The following SLC10A2 variants were observed in gnomAD, a reference collection of about 807,000 sequenced individuals.
The protein encoded by SLC10A2 is ileal sodium/bile acid cotransporter.
In SLC10A2, 34 loss-of-function variants were observed where a neutral mutation model predicts 27.1. The observed-to-expected ratio is 1.26, with a 90% CI of 0.96 to 1.67. The LOEUF is 1.67. Among genes scored for constraint, SLC10A2 ranks in the 40% most tolerant of loss-of-function variants. The probability of loss-of-function intolerance (pLI) is 0.00; values close to 1 mark genes in which losing one functional copy is unlikely to be tolerated. For synonymous variants in SLC10A2, 205 were observed against 174.0 expected (o/e 1.18, Z -1.40); for missense variants, 530 against 444.4 (o/e 1.19, Z -1.73).
At chr13:103,052,498 T>C in intron 3 of SLC10A2, 122 bp downstream of exon 3, 3 of 762,440 alleles carry the variant, frequency 3.9e-6, no homozygotes, top group Non-Finnish European at 2.4e-6. Context: ...GCATGGCTAA[T>C]GACTTCAGGC....
intron 4 of SLC10A2, 96 bp downstream of exon 4, chr13:103,051,161 A>T (rs1875764844): frequency 1.6e-6 from 2 of 1,214,448 alleles, no homozygotes; most frequent in African/African-American, 3.0e-5. Flanking sequence ...TGTTTAAGCC[A>T]CTCAGTTTGT....
chr13:103,062,137 T>C (rs1876141236), intron 1 of SLC10A2, among the ~76,000 whole-genome samples: 1 of 152,234 alleles, frequency 6.6e-6, no homozygotes, highest in Admixed American at 6.5e-5. Context: ...GTGAAATCAG[T>C]GTTAAGCAAT....
At chr13:103,065,814 G>A in intron 1 of SLC10A2, 59 bp downstream of exon 1, 1 of 1,595,334 alleles carries the variant, frequency 6.3e-7, no homozygotes, top group Non-Finnish European at 8.6e-7. Flanking sequence ...GAATGCCATA[G>A]GCTTCTGGAA....
At chr13:103,060,704 A>ATATCT (rs1315753556) in intron 1 of SLC10A2, among the ~76,000 whole-genome samples, 1 of 152,018 alleles carries the variant, frequency 6.6e-6, no homozygotes, top group Admixed American at 6.6e-5. Context: ...TTATGTTACC[A>ATATCT]TGTTTTTGTA....
rs777436801 is a variant in SLC10A2 at position 103,046,205 on chromosome 13, G to C, written c.975C>G (p.Ser325Arg). The C allele has an allele frequency of 1.2e-6, 2 of 1,613,594 alleles. No homozygotes were observed. The highest frequency in any genetic ancestry group is 2.2e-5 in the South Asian group (2 of 91,056). The change falls in exon 6 of 6, where the codon AGC (serine) becomes AGG (arginine). Residue 325 changes from serine to arginine, a missense_variant. By Grantham distance (110) the Ser-to-Arg change is moderately radical. Transcript: ENST00000245312. ...HGKNKAEIPE[S>R]KENGTEPESS... ...ACTCTGGCTCCGTTCCATTTTCTTT[G>C]CTCTCTGGAATTTCTGCCTTGTTTT...
In SLC10A2 at chr13:103,044,462, C is replaced by G. The variant is rs1488424452; in HGVS notation, c.*1671G>C. 3 of 152,168 alleles carry G rather than the reference C, an allele frequency of 2.0e-5. No homozygotes were observed. Among genetic ancestry groups the G allele is most frequent in the Non-Finnish European group, 4.4e-5 (3 of 68,044 alleles). The allele number at this position is 152,168 out of a possible 1,614,324, so 9.4% of individuals were successfully genotyped here. A position where few individuals can be genotyped will look rare whatever the true frequency, so the allele number is the denominator to read the frequency against. On this transcript the variant is annotated 3_prime_UTR_variant, in exon 6 of 6. Coordinates refer to ENST00000245312, the MANE Select transcript of SLC10A2 (RefSeq NM_000452.3). ...ACTCTCTAAGAAGGAAGTCTGTACC[C>G]CCTCTCCTCCACTATCTCTTAAAAT...
chr13:103,057,983 C>T (rs1258762292), intron 2 of SLC10A2, among the ~76,000 whole-genome samples: 1 of 152,094 alleles, frequency 6.6e-6, no homozygotes, highest in African/African-American at 2.4e-5. Flanking sequence ...TCCCATGTCC[C>T]CAAAGCTTAA....
At chr13:103,058,442 T>G in intron 1 of SLC10A2, 60 bp from the exon 2 acceptor site, 1 of 988,676 alleles carries the variant, frequency 1.0e-6, no homozygotes. Flanking sequence ...AGATGCTGTT[T>G]TATTTTTATT....
At chr13:103,048,416 G>C (rs541476587) in intron 5 of SLC10A2, among the ~76,000 whole-genome samples, 1 of 142,044 alleles carries the variant, frequency 7.0e-6, no homozygotes, top group African/African-American at 2.7e-5. Flanking sequence ...AAAAAGAAAA[G>C]AAAAGAAAAA....
chr13:103,049,259 T>C (rs778573186), intron 5 of SLC10A2, 30 bp downstream of exon 5: 1 of 1,612,060 alleles, frequency 6.2e-7, no homozygotes, highest in South Asian at 1.1e-5. Context: ...TCAAAGATTA[T>C]CATGAAATGG....
intron 2 of SLC10A2, among the ~76,000 whole-genome samples, chr13:103,057,537 C>G (rs1274865063): frequency 6.6e-6 from 1 of 152,138 alleles, no homozygotes; most frequent in Non-Finnish European, 1.5e-5. Context: ...TGTTGTAACA[C>G]TCTGGATTGC....
At position 103,051,344 on chromosome 13, in the gene SLC10A2, T is replaced by C; in HGVS notation, c.674A>G (p.Lys225Arg). The change falls in exon 4 of 6, where the codon AAA (lysine) becomes AGA (arginine). Residue 225 changes from lysine to arginine, a missense_variant. By Grantham distance (26) the Lys-to-Arg change is conservative (BLOSUM62 2). Transcript: ENST00000245312. Reference sequence around the variant, plus strand: ...AAATATTGTTCCTATAATCCACAGTTTGGGAGCAATGATCCAGGCGCTTTG... The same window carrying C: ...AAATATTGTTCCTATAATCCACAGTCTGGGAGCAATGATCCAGGCGCTTTG... ...LYQSAWIIAP[K>R]LWIIGTIFPV... is the part of the protein sequence containing the mutation. 6.2e-7 allele frequency: 1 copy of C among 1,614,072 alleles called. No homozygotes were observed. The highest frequency in any genetic ancestry group is 8.5e-7 in the Non-Finnish European group (1 of 1,179,984).
Position 103,066,132 on chromosome 13 carries a change from T to C in SLC10A2, c.118A>G (p.Ile40Val), listed in dbSNP as rs1340667031. The C allele has an allele frequency of 1.2e-6, 2 of 1,614,092 alleles. No individual in the cohort carries two copies. Among genetic ancestry groups the C allele is most frequent in the Admixed American group, 3.3e-5 (2 of 60,000 alleles). ...LSVVLSTVLT[I>V]LLALVMFSMG... is the part of the protein sequence containing the mutation. ...GAGAACATCACCAAGGCCAACAGGA[T>C]GGTCAGCACCGTACTTAGGACCACA... Residue 40 changes from isoleucine (I) to valine (V), a missense_variant, in exon 1 of 6, where the codon ATC becomes GTC. Transcript: ENST00000245312.
At chr13:103,064,423 A>G (rs970183445) in intron 1 of SLC10A2, among the ~76,000 whole-genome samples, 1 of 152,200 alleles carries the variant, frequency 6.6e-6, no homozygotes, top group South Asian at 2.1e-4. Flanking sequence ...CAACAACCTA[A>G]TAGTCCAGTA....
chr13:103,065,153 T>C (rs917876684), intron 1 of SLC10A2, among the ~76,000 whole-genome samples: 8 of 152,260 alleles, frequency 5.3e-5, no homozygotes, highest in African/African-American at 1.4e-4. Flanking sequence ...CATTAATGCT[T>C]CATCTTATTT....
At chr13:103,056,479 T>C (rs1481881433) in intron 2 of SLC10A2, among the ~76,000 whole-genome samples, 1 of 152,176 alleles carries the variant, frequency 6.6e-6, no homozygotes, top group East Asian at 1.9e-4. Flanking sequence ...AATTATTCAG[T>C]ATTTCCATGA....
intron 5 of SLC10A2, among the ~76,000 whole-genome samples, chr13:103,048,567 A>C (rs1347290059): frequency 6.6e-6 from 1 of 152,146 alleles, no homozygotes; most frequent in Non-Finnish European, 1.5e-5. Flanking sequence ...AGGCTTTAAA[A>C]ACTAGCTTTT....
At chr13:103,058,145 A>C in intron 2 of SLC10A2, 119 bp downstream of exon 2, 1 of 774,546 alleles carries the variant, frequency 1.3e-6, no homozygotes, top group Non-Finnish European at 2.4e-6. Context: ...TAATGAAATC[A>C]GGCAAAAACT....
intron 3 of SLC10A2, among the ~76,000 whole-genome samples, chr13:103,051,754 A>G (rs183965): frequency 0.43 from 65,624 of 152,210 alleles, 16,199 homozygotes; most frequent in African/African-American, 0.69. Context: ...TTTGGCTTCC[A>G]GATTCAACTA....
Sources: allele counts gnomAD v4.1 joint callset (sites outside exome capture counted in the v4.1 genomes callset), GRCh38; gene constraint gnomAD v4.1.1; transcripts MANE v1.5; gene names NCBI Gene and HGNC (gene_info 2026-07-23, HGNC 2026-07-21).